PITPNA: variants seen among roughly 807,000 people sequenced by gnomAD.
The protein encoded by PITPNA is phosphatidylinositol transfer protein alpha, also known as phosphatidylinositol transfer protein alpha isoform.
In PITPNA, 13 loss-of-function variants were observed where a neutral mutation model predicts 50.3. That is an observed-to-expected ratio of 0.26 (90% CI 0.17 to 0.41). PITPNA has a LOEUF of 0.41. PITPNA is among the 10% of genes least tolerant of loss of function. The pLI is 1.00. For missense variants in PITPNA, 207 were observed against 333.4 expected, an observed-to-expected ratio of 0.62 and a Z score of 2.95; for synonymous variants, 120 against 119.6, an observed-to-expected ratio of 1.00 and a Z score of -0.02.
At chr17:1,554,387 T>A (rs1358772679) in intron 2 of PITPNA, among the ~76,000 whole-genome samples, 1 of 139,114 alleles carries the variant, frequency 7.2e-6, no homozygotes, top group Admixed American at 7.7e-5. Context: ...AGGGTGTTTC[T>A]CTATTTTTTT....
chr17:1,550,943 T>C (rs2075704961), intron 3 of PITPNA, among the ~76,000 whole-genome samples: 1 of 152,194 alleles, frequency 6.6e-6, no homozygotes. Flanking sequence ...AAGGGACATG[T>C]TGGAGACGCT....
At chr17:1,534,621 C>G (rs931672963) in intron 9 of PITPNA, among the ~76,000 whole-genome samples, 14 of 152,218 alleles carry the variant, frequency 9.2e-5, no homozygotes, top group East Asian at 1.9e-4. Flanking sequence ...GAGGCTCAAA[C>G]ATGTCGGAGG....
At chr17:1,531,965 T>A (rs1176012705) in intron 10 of PITPNA, among the ~76,000 whole-genome samples, 1 of 152,236 alleles carries the variant, frequency 6.6e-6, no homozygotes, top group Non-Finnish European at 1.5e-5. Context: ...TCTCTCCCAC[T>A]GCAGATGAGT....
intron 10 of PITPNA, among the ~76,000 whole-genome samples, chr17:1,530,782 T>C (rs765743657): frequency 1.3e-5 from 2 of 152,016 alleles, no homozygotes; most frequent in Non-Finnish European, 2.9e-5. Flanking sequence ...TAACAACCTT[T>C]TGGGAGATGG....
At chr17:1,524,322 G>T (rs1253973964) in intron 10 of PITPNA, among the ~76,000 whole-genome samples, 2 of 149,682 alleles carry the variant, frequency 1.3e-5, no homozygotes, top group Non-Finnish European at 3.0e-5. Flanking sequence ...GGGATTACAG[G>T]CGTGAGCCAT....
rs2075773623 is a variant in PITPNA, at chr17:1,562,490, C to T, written c.20+51G>A. The T allele has an allele frequency of 7.2e-7, 1 of 1,382,002 alleles. No homozygotes were observed. Among genetic ancestry groups the T allele is most frequent in the Non-Finnish European group, 9.5e-7 (1 of 1,050,978 alleles). The allele number at this position is 1,382,002 out of a possible 1,614,324, so 85.6% of individuals were successfully genotyped here. A position where few individuals can be genotyped will look rare whatever the true frequency, so the allele number is the denominator to read the frequency against. On this transcript the variant is annotated intron_variant, in intron 1 of 11. Coordinates refer to ENST00000313486, the MANE Select transcript of PITPNA (RefSeq NM_006224.4). The surrounding 1 kb of genome is among the most constrained non-coding windows in gnomAD (Gnocchi z 6.4). The stretch of plus-strand genomic sequence containing the variant: ...CCTCGCCGCGCCGTCGCCCCGGCGG[C>T]CGTCCCCACCCTCCCTCCTCCCCGC...
rs544631429 is a variant in PITPNA, at chr17:1,527,502, A to G, written c.769-5857T>C. ...GGTGATCCACCCGCCTCGGCCTCCCAAAGTGCTGGGATTACAGGTGTGAGC... is the reference window on the plus strand; with the variant it reads ...GGTGATCCACCCGCCTCGGCCTCCCGAAGTGCTGGGATTACAGGTGTGAGC... On this transcript the variant is annotated intron_variant, in intron 10 of 11. Transcript: ENST00000313486. 3.3e-5 allele frequency among the ~76,000 whole-genome samples: 5 copies of G among 152,224 alleles called. No homozygotes were observed. In the South Asian group the frequency reaches 1.0e-3, roughly 32 times the overall value.
chr17:1,548,181 C>T (rs1265108323), intron 4 of PITPNA, 115 bp downstream of exon 4: 3 of 640,078 alleles, frequency 4.7e-6, no homozygotes, highest in South Asian at 4.1e-5. Flanking sequence ...TACCCACCAT[C>T]AGCCGGAAGG....
At chr17:1,552,538 T>C (rs527359468) in intron 3 of PITPNA, among the ~76,000 whole-genome samples, 226 of 152,292 alleles carry the variant, frequency 1.5e-3, no homozygotes, top group South Asian at 1.9e-3. Flanking sequence ...GATTTCACGA[T>C]ATCAGAATTA....
In PITPNA at chr17:1,551,552, C is replaced by T. The variant is rs939117075; in HGVS notation, c.197+1452G>A. On this transcript the variant is annotated intron_variant, in intron 3 of 11. Coordinates refer to ENST00000313486, the MANE Select transcript of PITPNA (RefSeq NM_006224.4). ...AAGTGATCCATCCGTCTCGGCCTCC[C>T]AAAGTGCTGGGATTACAGGCGTGAG... Among the ~76,000 whole-genome samples, 3 of 152,180 alleles carry T rather than the reference C, an allele frequency of 2.0e-5. No individual in the cohort carries two copies. In the East Asian group the frequency reaches 5.8e-4, roughly 29 times the overall value.
chr17:1,533,017 G>A (rs1192691826), intron 10 of PITPNA, among the ~76,000 whole-genome samples: 4 of 152,232 alleles, frequency 2.6e-5, no homozygotes, highest in Non-Finnish European at 4.4e-5. Flanking sequence ...GACACCGTCC[G>A]TGCAGCATGG....
At chr17:1,530,052 A>T (rs1189611782) in intron 10 of PITPNA, among the ~76,000 whole-genome samples, 1 of 152,138 alleles carries the variant, frequency 6.6e-6, no homozygotes, top group Non-Finnish European at 1.5e-5. Flanking sequence ...GGTTGCCATG[A>T]AAACTGGGTG....
chr17:1,525,504 CTTT>C (rs11329480), intron 10 of PITPNA, among the ~76,000 whole-genome samples: 11 of 101,706 alleles, frequency 1.1e-4, no homozygotes, highest in Admixed American at 4.5e-4. Flanking sequence ...CACTGGGAAA[CTTT>C]TTTTTTTTTT....
chr17:1,520,665 A>G (rs2280459), intron 11 of PITPNA, 127 bp from the exon 12 acceptor site: 36,022 of 152,156 alleles, frequency 0.24, 4,960 homozygotes, highest in African/African-American at 0.38. Context: ...AGTGGGGGAG[A>G]GCACTGAGGC....
intron 10 of PITPNA, among the ~76,000 whole-genome samples, chr17:1,524,121 T>C (rs1484338768): frequency 1.3e-5 from 2 of 149,098 alleles, no homozygotes; most frequent in South Asian, 2.1e-4. Flanking sequence ...CTTGGCTCAC[T>C]GCAAGCTCTG....
chr17:1,543,037 G>T lies in PITPNA; in HGVS notation c.290-10C>A. The T allele has an allele frequency of 6.3e-7, 1 of 1,582,546 alleles. No individual in the cohort carries two copies. ...ATACTTACTGTAATAACTGCTCCGA[G>T]GCAAGGACATGGAAAGAAGAGAGAA... On this transcript the variant is annotated splice_polypyrimidine_tract_variant and intron_variant, in intron 4 of 11. Transcript: ENST00000313486.
intron 1 of PITPNA, among the ~76,000 whole-genome samples, chr17:1,558,815 T>C (rs2075753726): frequency 4.8e-5 from 5 of 104,154 alleles, no homozygotes; most frequent in Non-Finnish European, 7.2e-5. Flanking sequence ...CTTAGTGCTC[T>C]GAGGACAGGA....
Position 1,558,015 on chromosome 17 carries a change from G to C in PITPNA, c.51+514C>G, listed in dbSNP as rs1458337113. Among the ~76,000 whole-genome samples the C allele has an allele frequency of 2.6e-5, 4 of 152,170 alleles. No individual in the cohort carries two copies. In the East Asian group the frequency reaches 7.7e-4, roughly 29 times the overall value. On this transcript the variant is annotated intron_variant, in intron 2 of 11. Transcript: ENST00000313486. ...GGAGGCTGAGGCGGGCGGATCACTT[G>C]AGGTCGGGAGTTTGAGACCAGCCTG... is the stretch of plus-strand genomic sequence containing the variant.
intron 6 of PITPNA, 84 bp from the exon 7 acceptor site, chr17:1,539,036 C>A: frequency 2.6e-6 from 2 of 774,650 alleles, no homozygotes; most frequent in Non-Finnish European, 4.5e-6. Context: ...TAGGAACTGC[C>A]ATTCCCATAG....
Sources: allele counts gnomAD v4.1 joint callset (sites outside exome capture counted in the v4.1 genomes callset), GRCh38; gene constraint gnomAD v4.1.1; non-coding constraint Gnocchi (gnomAD v3.1); transcripts MANE v1.5; gene names NCBI Gene and HGNC (gene_info 2026-07-23, HGNC 2026-07-21).